SHROOM4: variants seen among roughly 807,000 people sequenced by gnomAD.
SHROOM4 encodes the protein protein Shroom4.
In SHROOM4, 17 loss-of-function variants were observed where a neutral mutation model predicts 80.3. The observed-to-expected ratio is 0.21, with a 90% CI of 0.14 to 0.32. SHROOM4 has a LOEUF of 0.32. SHROOM4 is among the 10% of genes least tolerant of loss of function. The pLI is 1.00. For synonymous variants in SHROOM4, 400 were observed against 437.5 expected (o/e 0.91, Z 1.07); for missense variants, 993 against 1,140.3 (o/e 0.87, Z 1.86).
At chrX:50,651,023 C>A (rs782266166) in intron 2 of SHROOM4, among the ~76,000 whole-genome samples, 1 of 111,338 alleles carries the variant, frequency 9.0e-6, no homozygotes, top group Non-Finnish European at 1.9e-5. Flanking sequence ...TGAGAGGAGG[C>A]CAGGCAAAGG....
At chrX:50,791,452 T>TA (rs1935849170) in intron 1 of SHROOM4, among the ~76,000 whole-genome samples, 1 of 109,176 alleles carries the variant, frequency 9.2e-6, no homozygotes, top group Non-Finnish European at 1.9e-5. Context: ...CTCACTCTTT[T>TA]ACCCAGACTG....
Position 50,588,404 on chromosome X carries a change from T to C in SHROOM4, c.*8291A>G, listed in dbSNP as rs1928802587. ...ATTGGGTACTTATTGTCCTAAGTAC[T>C]TTGCATGGATTAACTCAATAATTCC... On this transcript the variant is annotated 3_prime_UTR_variant, in exon 9 of 9. Coordinates refer to ENST00000376020, the MANE Select transcript of SHROOM4 (RefSeq NM_020717.5). Among the ~76,000 whole-genome samples, 2 of 112,164 alleles carry C rather than the reference T, an allele frequency of 1.8e-5. No homozygotes were observed. Among genetic ancestry groups the C allele is most frequent in the South Asian group, 7.5e-4 (2 of 2,669 alleles).
chrX:50,680,769 A>C (rs1602428650), intron 2 of SHROOM4, among the ~76,000 whole-genome samples: 1 of 110,981 alleles, frequency 9.0e-6, no homozygotes, highest in South Asian at 3.8e-4. Context: ...ACCTTGACCT[A>C]TTTTCTCAAT....
At chrX:50,738,274 A>G (rs1374741577) in intron 1 of SHROOM4, among the ~76,000 whole-genome samples, 1 of 111,554 alleles carries the variant, frequency 9.0e-6, no homozygotes, top group Non-Finnish European at 1.9e-5. Context: ...GGCACAAGAC[A>G]GGGATGCCCT....
At chrX:50,763,965 C>T (rs1465906362) in intron 1 of SHROOM4, among the ~76,000 whole-genome samples, 1 of 111,690 alleles carries the variant, frequency 9.0e-6, no homozygotes, top group Non-Finnish European at 1.9e-5. Flanking sequence ...CCATTTAATT[C>T]GTTGCTTCTA....
chrX:50,700,278 T>C (rs1292947087), intron 1 of SHROOM4, among the ~76,000 whole-genome samples: 2 of 112,453 alleles, frequency 1.8e-5, no homozygotes, highest in East Asian at 5.6e-4. Context: ...GTCCAGTTAT[T>C]TAAAGAAAGA....
chrX:50,619,332 G>A (rs887063329), intron 5 of SHROOM4, among the ~76,000 whole-genome samples: 1 of 111,017 alleles, frequency 9.0e-6, no homozygotes, highest in African/African-American at 3.3e-5. Context: ...AACCCGTCTC[G>A]CCTTTCCCTT....
At chrX:50,607,147 G>A (rs1489471500) in intron 6 of SHROOM4, among the ~76,000 whole-genome samples, 1 of 111,650 alleles carries the variant, frequency 9.0e-6, no homozygotes, top group Non-Finnish European at 1.9e-5. Context: ...GATATTTACT[G>A]AGCATGTACT....
At chrX:50,613,817 A>G (rs1930103054) in intron 5 of SHROOM4, among the ~76,000 whole-genome samples, 1 of 112,307 alleles carries the variant, frequency 8.9e-6, no homozygotes, top group African/African-American at 3.2e-5. Context: ...ATATGGGAAA[A>G]TTAAAATCGT....
chrX:50,782,741 T>A (rs1401939508), intron 1 of SHROOM4, among the ~76,000 whole-genome samples: 2 of 111,800 alleles, frequency 1.8e-5, no homozygotes, highest in African/African-American at 6.5e-5. Context: ...TTATGCTAAG[T>A]GAAATAAGTC....
chrX:50,633,642 A>G lies in SHROOM4; in HGVS notation c.2431T>C (p.Phe811Leu), dbSNP rs1931178377. The G allele has an allele frequency of 2.5e-6, 3 of 1,211,809 alleles. No homozygotes were observed. The East Asian group carries it at 8.9e-5, about 36-fold the overall frequency. Reference sequence around the variant, plus strand: ...CTACAGCTGGAGCTCATTGGCTGGAAGTTTTGGTCTATAGGTTTTGGTCTC... The same window carrying G: ...CTACAGCTGGAGCTCATTGGCTGGAGGTTTTGGTCTATAGGTTTTGGTCTC... ...TQRPKPIDQN[F>L]QPMSSSCREL... The change falls in exon 4 of 9, where the codon TTC becomes CTC. Residue 811 changes from phenylalanine to leucine, a missense_variant. Transcript: ENST00000376020.
chrX:50,799,785 C>T (rs1936082568), intron 1 of SHROOM4, among the ~76,000 whole-genome samples: 1 of 111,958 alleles, frequency 8.9e-6, no homozygotes, highest in Admixed American at 9.5e-5. Flanking sequence ...TCACTGAAGA[C>T]ACACACTACA....
At chrX:50,609,032 G>A (rs782291427) in intron 5 of SHROOM4, among the ~76,000 whole-genome samples, 30 of 111,780 alleles carry the variant, frequency 2.7e-4, no homozygotes, top group Admixed American at 9.5e-4. Flanking sequence ...AGAGGCTGAG[G>A]TGTGTAGATC....
At chrX:50,699,287 G>A (rs1557263354) in intron 1 of SHROOM4, among the ~76,000 whole-genome samples, 1 of 112,052 alleles carries the variant, frequency 8.9e-6, no homozygotes. Flanking sequence ...TGCCTGGAAA[G>A]CTAGGAAGAG....
In SHROOM4 at chrX:50,627,682, AG is replaced by A; in HGVS notation, c.2896-8del. ...ATTTGTCCCCAGGAAATTCCTGTAA[AG>A]AAAAATCCTGATAAGTTAGAAAGCT... On this transcript the variant is annotated splice_region_variant and splice_polypyrimidine_tract_variant and intron_variant, in intron 4 of 8. Transcript: ENST00000376020. The A allele has an allele frequency of 3.3e-6, 4 of 1,203,429 alleles. No homozygotes were observed. Among genetic ancestry groups the A allele is most frequent in the Non-Finnish European group, 4.5e-6 (4 of 888,041 alleles).
chrX:50,653,030 G>A (rs1397480661), intron 2 of SHROOM4, among the ~76,000 whole-genome samples: 3 of 111,580 alleles, frequency 2.7e-5, no homozygotes, highest in African/African-American at 9.8e-5. Context: ...TTTTTGCTTA[G>A]GATTGTCTTG....
chrX:50,710,524 G>A (rs1448969422), intron 1 of SHROOM4, among the ~76,000 whole-genome samples: 6 of 110,840 alleles, frequency 5.4e-5, no homozygotes, highest in African/African-American at 2.0e-4. Context: ...AGGGGAGAGG[G>A]AGAGGGACGA....
At chrX:50,760,841 T>G (rs983712137) in intron 1 of SHROOM4, among the ~76,000 whole-genome samples, 22 of 111,640 alleles carry the variant, frequency 2.0e-4, no homozygotes, top group Non-Finnish European at 3.4e-4. Flanking sequence ...TTTCTTTCTT[T>G]TTATCAGGTT....
rs143058766 is a variant in SHROOM4 at position 50,633,199 on chromosome X, T to G, written c.2874A>C (p.Lys958Asn). 45 of 1,209,114 alleles carry G rather than the reference T, an allele frequency of 3.7e-5. No individual in the cohort carries two copies. In the African/African-American group the frequency reaches 7.0e-4, roughly 19 times the overall value. Reference protein sequence around the residue: ...DSSLAPGNTWKPRKLTVQEFP... With the variant: ...DSSLAPGNTWNPRKLTVQEFP... ...TCACCTGCACTGTCAGCTTCCTGGGTTTCCAAGTGTTGCCAGGTGCCAAGC... is the reference window on the plus strand; with the variant it reads ...TCACCTGCACTGTCAGCTTCCTGGGGTTCCAAGTGTTGCCAGGTGCCAAGC... Residue 958 changes from lysine to asparagine, a missense_variant, in exon 4 of 9, where the codon AAA (lysine) becomes AAC (asparagine). Physicochemically the swap from Lys to Asn is moderately conservative, Grantham distance 94. Coordinates refer to ENST00000376020, the MANE Select transcript of SHROOM4 (RefSeq NM_020717.5).
Sources: allele counts gnomAD v4.1 joint callset (sites outside exome capture counted in the v4.1 genomes callset), GRCh38; gene constraint gnomAD v4.1.1; transcripts MANE v1.5; gene names NCBI Gene and HGNC (gene_info 2026-07-23, HGNC 2026-07-21).